Variants in HVCN1 observed in about 807,000 individuals in gnomAD.
HVCN1 encodes the protein voltage-gated hydrogen channel 1.
In HVCN1, 14 loss-of-function variants were observed where a neutral mutation model predicts 29.2. The ratio of observed to expected loss-of-function variants is 0.48; its 90% confidence interval spans 0.32 to 0.75. The LOEUF is 0.75. Among genes scored for constraint, HVCN1 ranks in the 30% least tolerant of loss-of-function variants. HVCN1 has a pLI of 0.04. For missense variants in HVCN1, 263 were observed against 341.8 expected (o/e 0.77, Z 1.82); for synonymous variants, 131 against 133.2 (o/e 0.98, Z 0.11).
intron 3 of HVCN1, among the ~76,000 whole-genome samples, chr12:110,680,269 T>TCCAGGCCCTGGGAGTTCC (rs2068914317): frequency 6.6e-6 from 1 of 152,104 alleles, no homozygotes; most frequent in African/African-American, 2.4e-5. Flanking sequence ...GGCTCCAGGT[T>TCCAGGCCCTGGGAGTTCC]CCAGGCCCTG....
intron 4 of HVCN1, among the ~76,000 whole-genome samples, chr12:110,657,310 A>G (rs1032757811): frequency 6.6e-6 from 1 of 152,186 alleles, no homozygotes; most frequent in Non-Finnish European, 1.5e-5. Flanking sequence ...CCTGGCTAAC[A>G]TAGTGAAACC....
At chr12:110,687,088 C>T (rs2069211524) in intron 2 of HVCN1, among the ~76,000 whole-genome samples, 1 of 152,110 alleles carries the variant, frequency 6.6e-6, no homozygotes, top group Admixed American at 6.6e-5. Flanking sequence ...TGACACATTG[C>T]CTGCAACTGT....
intron 6 of HVCN1, among the ~76,000 whole-genome samples, chr12:110,650,634 A>G (rs73191854): frequency 8.6e-4 from 131 of 152,112 alleles, no homozygotes; most frequent in Non-Finnish European, 1.1e-3. Context: ...CCCTTTCCCC[A>G]TAACAGGCAT....
At chr12:110,649,735 C>T (rs894917647) in intron 7 of HVCN1, among the ~76,000 whole-genome samples, 1 of 152,208 alleles carries the variant, frequency 6.6e-6, no homozygotes, top group Non-Finnish European at 1.5e-5. Flanking sequence ...GAGGATGTGA[C>T]GCCTGGGCTG....
At chr12:110,674,496 A>T (rs1289235635) in intron 3 of HVCN1, among the ~76,000 whole-genome samples, 12 of 152,148 alleles carry the variant, frequency 7.9e-5, no homozygotes, top group Admixed American at 7.9e-4. Context: ...GGGCAGAATG[A>T]TGTAGTTTGG....
chr12:110,671,345 ACACAGAGGGTAAGGTCACGTGAAGGT>A lies in HVCN1; in HGVS notation c.22-9923_22-9898del, dbSNP rs2068569533. Among the ~76,000 whole-genome samples, 3 of 152,094 alleles carry A rather than the reference ACACAGAGGGTAAGGTCACGTGAAGGT, an allele frequency of 2.0e-5. No individual in the cohort carries two copies. In the South Asian group the frequency reaches 6.2e-4, roughly 32 times the overall value. ...CAAAAACAAAAAAAGAGAAAAGGAC[ACACAGAGGGTAAGGTCACGTGAAGGT>A]CACAGAGGTCAGAATGATACGTCCA... On this transcript the variant is annotated intron_variant, in intron 3 of 7. Coordinates refer to ENST00000242607, the MANE Select transcript of HVCN1 (RefSeq NM_032369.4).
intron 3 of HVCN1, among the ~76,000 whole-genome samples, chr12:110,672,970 T>C (rs975939113): frequency 6.6e-6 from 1 of 152,070 alleles, no homozygotes; most frequent in Non-Finnish European, 1.5e-5. Context: ...ATACAGTAAA[T>C]TGGTACCAGT....
In HVCN1 at chr12:110,676,603, C is replaced by G. The variant is rs569685567; in HGVS notation, c.21+6622G>C. Reference sequence around the variant, plus strand: ...TCTGTGCCCAGCTCCAATGAAAACTCTGGGCATTGGGTCTCTAAGGAACTG... The same window carrying G: ...TCTGTGCCCAGCTCCAATGAAAACTGTGGGCATTGGGTCTCTAAGGAACTG... On this transcript the variant is annotated intron_variant, in intron 3 of 7. Transcript: ENST00000242607. This position sits in a 1 kb window ranked among gnomAD's most constrained non-coding sequence, Gnocchi z 4.1. Among the ~76,000 whole-genome samples, 16 of 152,304 alleles carry G rather than the reference C, an allele frequency of 1.1e-4. No homozygotes were observed. The highest frequency in any genetic ancestry group is 3.6e-4 in the African/African-American group (15 of 41,564).
intron 3 of HVCN1, among the ~76,000 whole-genome samples, chr12:110,672,994 G>A (rs983469283): frequency 6.6e-6 from 1 of 152,142 alleles, no homozygotes; most frequent in Non-Finnish European, 1.5e-5. Context: ...GTGGGACATT[G>A]CTGAAAAGAT....
At chr12:110,680,640 G>A (rs539732853) in intron 3 of HVCN1, among the ~76,000 whole-genome samples, 2 of 152,296 alleles carry the variant, frequency 1.3e-5, no homozygotes, top group African/African-American at 4.8e-5. Context: ...CAGTGGGCCA[G>A]GTGCGGTGGC....
intron 3 of HVCN1, among the ~76,000 whole-genome samples, chr12:110,669,567 T>TC (rs984608167): frequency 6.6e-6 from 1 of 152,096 alleles, no homozygotes; most frequent in African/African-American, 2.4e-5. Flanking sequence ...GCATGGCCTG[T>TC]CCCCATCCCA....
Position 110,702,059 on chromosome 12 carries a change from C to T in HVCN1, c.-104+250G>A, listed in dbSNP as rs191678838. On this transcript the variant is annotated intron_variant, in intron 2 of 4. Coordinates refer to the HVCN1 transcript ENST00000546713. ...TCCCGGGTTCAAGTGATTCTCTTGCCTCAGCCTCCCCAGTAGCTGGGGCTA... is the reference window on the plus strand; with the variant it reads ...TCCCGGGTTCAAGTGATTCTCTTGCTTCAGCCTCCCCAGTAGCTGGGGCTA... Among the ~76,000 whole-genome samples the T allele has an allele frequency of 3.3e-5, 5 of 150,872 alleles. No individual in the cohort carries two copies. The East Asian group carries it at 6.0e-4, about 18-fold the overall frequency.
chr12:110,673,696 GC>G (rs1350213171), intron 3 of HVCN1, among the ~76,000 whole-genome samples: 1 of 152,210 alleles, frequency 6.6e-6, no homozygotes, highest in Non-Finnish European at 1.5e-5. Flanking sequence ...TCAGGCTGTG[GC>G]TTCAGAGGGT....
Position 110,661,971 on chromosome 12 carries a change from T to C in HVCN1, c.22-523A>G, listed in dbSNP as rs1235182155. Among the ~76,000 whole-genome samples, 1 of 152,214 alleles carries C rather than the reference T, an allele frequency of 6.6e-6. No individual in the cohort carries two copies. The highest frequency in any genetic ancestry group is 6.5e-5 in the Admixed American group (1 of 15,286). On this transcript the variant is annotated intron_variant, in intron 3 of 7. Coordinates refer to ENST00000242607, the MANE Select transcript of HVCN1 (RefSeq NM_032369.4). The surrounding 1 kb of genome is among the most constrained non-coding windows in gnomAD (Gnocchi z 6.2). ...CAGTGCTATTCACACGGACAGTTGT[T>C]TAAAGCAAAAGCAAATATCCCTGTG... is the stretch of plus-strand genomic sequence containing the variant.
In HVCN1 at chr12:110,658,579, G is replaced by A. The variant is rs533166889; in HGVS notation, c.306+2585C>T. Among the ~76,000 whole-genome samples, 12 of 152,062 alleles carry A rather than the reference G, an allele frequency of 7.9e-5. No individual in the cohort carries two copies. Among genetic ancestry groups the A allele is most frequent in the Non-Finnish European group, 1.3e-4 (9 of 68,012 alleles). On this transcript the variant is annotated intron_variant, in intron 4 of 7. Coordinates refer to ENST00000242607, the MANE Select transcript of HVCN1 (RefSeq NM_032369.4). This position sits in a 1 kb window ranked among gnomAD's most constrained non-coding sequence, Gnocchi z 5.0. ...AAGCCTCCCACGCCATCCACCCATCGGGCTCACTCCTGCTCAGCATGCAGG... is the reference window on the plus strand; with the variant it reads ...AAGCCTCCCACGCCATCCACCCATCAGGCTCACTCCTGCTCAGCATGCAGG...
At chr12:110,703,447 G>T (rs114540210) in intron 1 of HVCN1, among the ~76,000 whole-genome samples, 1 of 151,728 alleles carries the variant, frequency 6.6e-6, no homozygotes, top group East Asian at 1.9e-4. Flanking sequence ...ATCTTGTGGC[G>T]ATCCAAGCAG....
At position 110,661,224 on chromosome 12, in the gene HVCN1, G is replaced by T; in HGVS notation, c.246C>A (p.Pro82=). 1 of 1,613,892 alleles carries T rather than the reference G, an allele frequency of 6.2e-7. No individual in the cohort carries two copies. The highest frequency in any genetic ancestry group is 8.5e-7 in the Non-Finnish European group (1 of 1,179,794). The change falls in exon 4 of 8, where the codon CCC becomes CCA. Residue 82 remains proline (P), a synonymous_variant. Transcript: ENST00000242607. This position sits in a 1 kb window ranked among gnomAD's most constrained non-coding sequence, Gnocchi z 6.2. ...PDVAPAPGPA[P]RAPLDFRGML... ...TGCCCCTGAAGTCAAGGGGGGCCCT[G>T]GGTGCGGGGCCAGGGGCAGGGGCAA...
At position 110,648,690 on chromosome 12, in the gene HVCN1, G is replaced by A. The variant is rs2067584247; in HGVS notation, c.*720C>T. 1 of 215,990 alleles carries A rather than the reference G, an allele frequency of 4.6e-6. No homozygotes were observed. The allele number at this position is 215,990 out of a possible 1,614,324, so 13.4% of individuals were successfully genotyped here. On this transcript the variant is annotated 3_prime_UTR_variant, in exon 8 of 8. Coordinates refer to ENST00000242607, the MANE Select transcript of HVCN1 (RefSeq NM_032369.4). ...TTATAGTGGAGTCTTGGGTCTAATT[G>A]CCATTTCTGCACCAGGCACTGTAGC... is the stretch of plus-strand genomic sequence containing the variant.
intron 5 of HVCN1, among the ~76,000 whole-genome samples, chr12:110,652,310 T>G (rs1336273882): frequency 6.6e-6 from 1 of 152,196 alleles, no homozygotes; most frequent in Non-Finnish European, 1.5e-5. Flanking sequence ...GGAGAATTGC[T>G]TGAACACGGA....
Sources: allele counts gnomAD v4.1 joint callset (sites outside exome capture counted in the v4.1 genomes callset), GRCh38; gene constraint gnomAD v4.1.1; non-coding constraint Gnocchi (gnomAD v3.1); transcripts MANE v1.5; gene names NCBI Gene and HGNC (gene_info 2026-07-23, HGNC 2026-07-21).